Variants in VPS26B observed in about 807,000 individuals in gnomAD.
VPS26B encodes the protein vacuolar protein sorting-associated protein 26B.
In VPS26B, 10 loss-of-function variants were observed where a neutral mutation model predicts 33.3. The observed-to-expected ratio is 0.30, with a 90% CI of 0.19 to 0.51. VPS26B has a LOEUF of 0.51. VPS26B is among the 20% of genes least tolerant of loss of function. VPS26B has a pLI of 0.98. For synonymous variants in VPS26B, 190 were observed against 176.9 expected, an observed-to-expected ratio of 1.07 and a Z score of -0.59; for missense variants, 317 against 452.7, an observed-to-expected ratio of 0.70 and a Z score of 2.72.
At chr11:134,226,080 A>G (rs1342826715) in intron 1 of VPS26B, among the ~76,000 whole-genome samples, 2 of 152,212 alleles carry the variant, frequency 1.3e-5, no homozygotes, top group Non-Finnish European at 2.9e-5. Flanking sequence ...GAGTTTCTCA[A>G]TGCTTTAAAC....
intron 1 of VPS26B, among the ~76,000 whole-genome samples, chr11:134,227,485 G>A (rs1938497128): frequency 6.6e-6 from 1 of 152,168 alleles, no homozygotes; most frequent in Admixed American, 6.5e-5. Context: ...TAGGAACCGT[G>A]TCAAGGCCTT....
intron 2 of VPS26B, chr11:134,235,363 G>A (rs1009824733): frequency 7.7e-5 from 17 of 219,526 alleles, no homozygotes; most frequent in African/African-American, 2.3e-5. Flanking sequence ...TCCCTCAAGA[G>A]CAGAGAGCAT....
intron 2 of VPS26B, chr11:134,235,824 G>C (rs1222626125): frequency 6.6e-6 from 1 of 152,190 alleles, no homozygotes; most frequent in Non-Finnish European, 1.5e-5. Context: ...ATCTACAGCA[G>C]ATATAGACTG....
chr11:134,231,905 A>G (rs983136386), intron 1 of VPS26B, among the ~76,000 whole-genome samples: 27 of 152,286 alleles, frequency 1.8e-4, no homozygotes, highest in African/African-American at 6.5e-4. Context: ...GTTTCTTCCA[A>G]AACTGCACGA....
At chr11:134,230,321 T>C (rs1938538909) in intron 1 of VPS26B, among the ~76,000 whole-genome samples, 1 of 152,260 alleles carries the variant, frequency 6.6e-6, no homozygotes, top group Non-Finnish European at 1.5e-5. Context: ...ATCTAAGAAT[T>C]TACAGAAACT....
chr11:134,225,192 C>A lies in VPS26B; in HGVS notation c.70C>A (p.Arg24=). The A allele has an allele frequency of 6.2e-7, 1 of 1,614,108 alleles. No homozygotes were observed. The change falls in exon 1 of 6, where the codon CGG becomes AGG. Residue 24 remains arginine (R), a synonymous_variant. Coordinates refer to ENST00000281187, the MANE Select transcript of VPS26B (RefSeq NM_052875.5). ...TCTGAACGATGCAGAGAGTAGGAAGCGGGCCGAGCACAAGACGGAGGACGG... is the reference window on the plus strand; with the variant it reads ...TCTGAACGATGCAGAGAGTAGGAAGAGGGCCGAGCACAAGACGGAGGACGG... The part of the protein sequence containing the change: ...ILLNDAESRK[R]AEHKTEDGKK...
At chr11:134,232,847 C>T (rs999093239) in intron 1 of VPS26B, among the ~76,000 whole-genome samples, 16 of 152,274 alleles carry the variant, frequency 1.1e-4, no homozygotes, top group African/African-American at 3.1e-4. Context: ...GTCAAGGTTT[C>T]GGCTTCCACA....
At chr11:134,233,559 T>G (rs1236240048) in intron 1 of VPS26B, among the ~76,000 whole-genome samples, 3 of 152,120 alleles carry the variant, frequency 2.0e-5, no homozygotes, top group Admixed American at 1.3e-4. Context: ...CCATCTCTAC[T>G]AAAAATACAA....
chr11:134,234,882 G>A lies in VPS26B; in HGVS notation c.224-15G>A, dbSNP rs117101984. ...GTCTGATAAAGGAGGGCGTCGCATC[G>A]CTGTCTCTCACCAGAACTCTACTAC... is the stretch of plus-strand genomic sequence containing the variant. On this transcript the variant is annotated splice_polypyrimidine_tract_variant and intron_variant, in intron 1 of 5. Coordinates refer to ENST00000281187, the MANE Select transcript of VPS26B (RefSeq NM_052875.5). 0.028 allele frequency: 45,260 copies of A among 1,611,422 alleles called. 819 individuals carry two copies. The highest frequency in any genetic ancestry group is 0.033 in the Non-Finnish European group (38,392 of 1,178,166).
chr11:134,235,735 A>T (rs760487552), intron 2 of VPS26B: 7 of 152,246 alleles, frequency 4.6e-5, no homozygotes, highest in Non-Finnish European at 8.8e-5. Flanking sequence ...ACACATAGGT[A>T]CATGGATTGT....
intron 1 of VPS26B, among the ~76,000 whole-genome samples, chr11:134,233,322 C>G (rs1938584114): frequency 6.6e-6 from 1 of 152,210 alleles, no homozygotes; most frequent in Admixed American, 6.5e-5. Context: ...GTTCCCAATT[C>G]ATCTGCCCCG....
rs1483728174 is a variant in VPS26B at position 134,240,859 on chromosome 11, G to C, written c.545+704G>C. On this transcript the variant is annotated intron_variant, in intron 3 of 5. Coordinates refer to ENST00000281187, the MANE Select transcript of VPS26B (RefSeq NM_052875.5). The surrounding 1 kb of genome is among the most constrained non-coding windows in gnomAD (Gnocchi z 4.4). ...AGGTTTCATAATGTTGCCCAGGCTG[G>C]TCTTGAACTACTGAGCTCGTGATCT... is the stretch of plus-strand genomic sequence containing the variant. Among the ~76,000 whole-genome samples, 2 of 150,062 alleles carry C rather than the reference G, an allele frequency of 1.3e-5. No homozygotes were observed. Among genetic ancestry groups the C allele is most frequent in the Non-Finnish European group, 1.5e-5 (1 of 67,734 alleles).
intron 1 of VPS26B, among the ~76,000 whole-genome samples, chr11:134,225,919 T>G (rs904384523): frequency 1.3e-5 from 2 of 152,192 alleles, no homozygotes; most frequent in South Asian, 2.1e-4. Flanking sequence ...TGTACATGTT[T>G]CCAGAAAGAA....
At position 134,240,209 on chromosome 11, in the gene VPS26B, G is replaced by A; in HGVS notation, c.545+54G>A. Reference sequence around the variant, plus strand: ...ATGATTATTTAAGGAGGTTAAGATGGGACTTGATGCAGATGCAAACTGATG... The same window carrying A: ...ATGATTATTTAAGGAGGTTAAGATGAGACTTGATGCAGATGCAAACTGATG... On this transcript the variant is annotated intron_variant, in intron 3 of 5. Coordinates refer to ENST00000281187, the MANE Select transcript of VPS26B (RefSeq NM_052875.5). This position sits in a 1 kb window ranked among gnomAD's most constrained non-coding sequence, Gnocchi z 4.4. 6.3e-7 allele frequency: 1 copy of A among 1,590,204 alleles called. No homozygotes were observed. The highest frequency in any genetic ancestry group is 2.2e-5 in the East Asian group (1 of 44,728).
rs989206678 is a variant in VPS26B, at chr11:134,234,914, G to A, written c.241G>A (p.Gly81Arg). 4 of 1,614,032 alleles carry A rather than the reference G, an allele frequency of 2.5e-6. No individual in the cohort carries two copies. The highest frequency in any genetic ancestry group is 2.2e-5 in the South Asian group (2 of 91,068). ...CTCACCAGAACTCTACTACGATCGCGGGAACCACCATGAGTTTGTGTCCCT... is the reference window on the plus strand; with the variant it reads ...CTCACCAGAACTCTACTACGATCGCAGGAACCACCATGAGTTTGTGTCCCT... ...IGQIELYYDR[G>R]NHHEFVSLVK... is the part of the protein sequence containing the mutation. The change falls in exon 2 of 6, where the codon GGG becomes AGG. Residue 81 changes from glycine (G) to arginine (R), a missense_variant. Coordinates refer to ENST00000281187, the MANE Select transcript of VPS26B (RefSeq NM_052875.5).
Position 134,246,475 on chromosome 11 carries a change from G to C in VPS26B, c.*885G>C, listed in dbSNP as rs375481686. The C allele has an allele frequency of 6.6e-6, 1 of 152,358 alleles. No individual in the cohort carries two copies. The highest frequency in any genetic ancestry group is 2.4e-5 in the African/African-American group (1 of 41,556). The allele number at this position is 152,358 out of a possible 1,614,324, so 9.4% of individuals were successfully genotyped here. Reference sequence around the variant, plus strand: ...AGAACCAATCCCAGGAAGGGGCCTTGATCCCTCCGCCTTGCTGAGAGTGAA... The same window carrying C: ...AGAACCAATCCCAGGAAGGGGCCTTCATCCCTCCGCCTTGCTGAGAGTGAA... On this transcript the variant is annotated 3_prime_UTR_variant, in exon 6 of 6. Transcript: ENST00000281187.
rs1938791156 is a variant in VPS26B, at chr11:134,245,197, A to G, written c.864+117A>G. On this transcript the variant is annotated intron_variant, in intron 5 of 5. Transcript: ENST00000281187. The surrounding 1 kb of genome is among the most constrained non-coding windows in gnomAD (Gnocchi z 4.7). Reference sequence around the variant, plus strand: ...AGGTGGGAACATTAGGTCGCCCACAATTGCACAACAAGAATGAGGATTCTC... The same window carrying G: ...AGGTGGGAACATTAGGTCGCCCACAGTTGCACAACAAGAATGAGGATTCTC... The G allele has an allele frequency of 2.8e-6, 4 of 1,421,672 alleles. No individual in the cohort carries two copies. In the East Asian group the frequency reaches 7.3e-5, roughly 26 times the overall value. 88.1% of individuals were successfully genotyped at this position (1,421,672 alleles called of 1,614,324 possible). A position where few individuals can be genotyped will look rare whatever the true frequency, so the allele number is the denominator to read the frequency against.
chr11:134,235,225 G>T, intron 2 of VPS26B, 172 bp downstream of exon 2: 1 of 770,750 alleles, frequency 1.3e-6, no homozygotes, highest in South Asian at 1.9e-5. Flanking sequence ...GAGGAAAGTG[G>T]CCCTAGGTTG....
chr11:134,226,670 C>G (rs1409316800), intron 1 of VPS26B, among the ~76,000 whole-genome samples: 1 of 152,164 alleles, frequency 6.6e-6, no homozygotes, highest in East Asian at 1.9e-4. Context: ...ATACATAACT[C>G]TGTTTTTAGA....
Sources: gnomAD v4.1 joint callset for allele counts (sites outside exome capture counted in the v4.1 genomes callset) on GRCh38, gnomAD v4.1.1 for gene constraint, Gnocchi (gnomAD v3.1) non-coding constraint, MANE v1.5 for transcripts, NCBI Gene and HGNC (gene_info 2026-07-23, HGNC 2026-07-21) for gene names.